SRPRA: variants seen among roughly 807,000 people sequenced by gnomAD.
SRPRA encodes signal recognition particle receptor subunit alpha.
SRPRA carries 30 observed loss-of-function variants against 61.1 expected under a neutral mutation model. The ratio of observed to expected loss-of-function variants is 0.49; its 90% CI spans 0.37 to 0.67. The LOEUF is 0.67. Among genes scored for constraint, SRPRA ranks in the 30% least tolerant of loss-of-function variants. The pLI is 0.00. For missense variants in SRPRA, 759 were observed against 828.4 expected (o/e 0.92, Z 1.03); for synonymous variants, 324 against 299.7 (o/e 1.08, Z -0.84).
At chr11:126,250,057 C>T in the SRPRA span, among the ~76,000 whole-genome samples, 4 of 151,392 alleles carry the variant, frequency 2.6e-5, no homozygotes, top group African/African-American at 7.3e-5. The surrounding 1 kb of genome is among the most constrained non-coding windows in gnomAD (Gnocchi z 5.1). Flanking sequence ...TTCCTTATTA[C>T]GTTCGTATGA....
chr11:126,266,493 A>T lies in SRPRA; in HGVS notation c.823T>A (p.Ser275Thr). ...TTNGTPEAAL[S>T]EDINLIRGTG... ...CCTCTTACCAGGTTGATGTCCTCAG[A>T]CAAGGCAGCCTCAGGGGTTCCATTG... The change falls in exon 6 of 14, where the codon TCT becomes ACT. Residue 275 changes from serine to threonine, a missense_variant. This residue lies in a region of SRPRA where 475 missense variants were observed against 462.5 expected (regional missense o/e 1.03). Coordinates refer to ENST00000332118, the MANE Select transcript of SRPRA (RefSeq NM_003139.4). 2 of 1,614,030 alleles carry T rather than the reference A, an allele frequency of 1.2e-6. No individual in the cohort carries two copies. The highest frequency in any genetic ancestry group is 1.7e-6 in the Non-Finnish European group (2 of 1,179,914).
chr11:126,241,153 T>G, the SRPRA span: 1 of 1,169,068 alleles, frequency 8.6e-7, no homozygotes, highest in African/African-American at 1.5e-5. Context: ...ACAGGGATAT[T>G]CATTTACAGC....
At position 126,264,197 on chromosome 11, in the gene SRPRA, A is replaced by G; in HGVS notation, c.1782T>C (p.Asp594=). The change falls in exon 13 of 14, where the codon GAT becomes GAC. Residue 594 remains aspartate (D), a synonymous_variant. Transcript: ENST00000332118. The surrounding 1 kb of genome is among the most constrained non-coding windows in gnomAD (Gnocchi z 5.0). The part of the protein sequence containing the change: ...GIVLTKFDTI[D]DKVGAAISMT... ...CCTCCAGTCTCACGTTTACCTTGTC[A>G]TCAATGGTATCAAATTTGGTAAGAA... 1 of 1,614,066 alleles carries G rather than the reference A, an allele frequency of 6.2e-7. No homozygotes were observed. Among genetic ancestry groups the G allele is most frequent in the Non-Finnish European group, 8.5e-7 (1 of 1,179,984 alleles).
chr11:126,238,470 G>A, the SRPRA span, among the ~76,000 whole-genome samples: 159 of 152,276 alleles, frequency 1.0e-3, no homozygotes, highest in African/African-American at 3.5e-3. Flanking sequence ...AAGAGGAATC[G>A]TCCTCATTTC....
At chr11:126,260,579 G>A (rs1357774037), downstream of SRPRA, 1 of 152,008 alleles carries the variant, frequency 6.6e-6, no homozygotes, top group Non-Finnish European at 1.5e-5. Context: ...AAGTCATGTT[G>A]TGAAAATAAC....
At chr11:126,262,360 G>GGACCCAAATGCAGCTCCC (rs1233265358), downstream of SRPRA, 4 of 569,746 alleles carry the variant, frequency 7.0e-6, no homozygotes, top group African/African-American at 5.7e-5. Flanking sequence ...AGCGACAGCA[G>GGACCCAAATGCAGCTCCC]GACCCAAATG....
chr11:126,237,818 C>T, the SRPRA span, among the ~76,000 whole-genome samples: 2 of 137,648 alleles, frequency 1.5e-5, no homozygotes, highest in South Asian at 4.6e-4. Context: ...GATTGTGTCA[C>T]TGCACTCCAG....
chr11:126,259,395 TCCATTA>T (rs1208405417), downstream of SRPRA, among the ~76,000 whole-genome samples: 1 of 151,102 alleles, frequency 6.6e-6, no homozygotes, highest in East Asian at 1.9e-4. Context: ...ATTCTTATAA[TCCATTA>T]CCATACAAGC....
At chr11:126,240,258 T>C in the SRPRA span, among the ~76,000 whole-genome samples, 2 of 151,942 alleles carry the variant, frequency 1.3e-5, no homozygotes, top group Non-Finnish European at 2.9e-5. Flanking sequence ...CAGAATTCTA[T>C]TGGCCACTTT....
the SRPRA span, among the ~76,000 whole-genome samples, chr11:126,236,766 T>TC: frequency 2.6e-5 from 4 of 151,948 alleles, no homozygotes; most frequent in African/African-American, 4.8e-5. Flanking sequence ...TTTATTTTTT[T>TC]CCCCCCCATT....
the SRPRA span, among the ~76,000 whole-genome samples, chr11:126,249,750 A>AAAAAG: frequency 1.7e-5 from 2 of 117,988 alleles, no homozygotes; most frequent in African/African-American, 3.2e-5. Flanking sequence ...AAAAAAAAAA[A>AAAAAG]AAAAGAAAAA....
At chr11:126,254,356 G>A in the SRPRA span, 28 of 1,614,036 alleles carry the variant, frequency 1.7e-5, no homozygotes, top group Middle Eastern at 1.6e-4. Flanking sequence ...GCATATTCAC[G>A]GAGTCTACAC....
chr11:126,256,545 A>G, the SRPRA span: 2 of 1,609,518 alleles, frequency 1.2e-6, no homozygotes, highest in Admixed American at 1.7e-5. This position sits in a 1 kb window ranked among gnomAD's most constrained non-coding sequence, Gnocchi z 6.6. Flanking sequence ...CAATGTCAAT[A>G]TGTTGTATCT....
At chr11:126,238,972 C>CT in the SRPRA span, among the ~76,000 whole-genome samples, 23,211 of 129,796 alleles carry the variant, frequency 0.18, 2,350 homozygotes, top group Non-Finnish European at 0.24. Context: ...AAGTGGAAGT[C>CT]TTTTTTTTTT....
chr11:126,241,199 A>G, the SRPRA span: 82,290 of 712,310 alleles, frequency 0.12, 4,799 homozygotes, highest in South Asian at 0.14. Context: ...CTTCTGCGCA[A>G]TGTCTGTTTA....
rs769606862 is a variant in SRPRA at position 126,264,567 on chromosome 11, A to G, written c.1526-28T>C. ...AGAGAAAGAAAGTAGTCAACTCTGA[A>G]CACCTGGACTACCACTCATGCTCGT... On this transcript the variant is annotated intron_variant, in intron 11 of 13. Transcript: ENST00000332118. This position sits in a 1 kb window ranked among gnomAD's most constrained non-coding sequence, Gnocchi z 5.0. The G allele has an allele frequency of 1.8e-5, 29 of 1,610,086 alleles. No individual in the cohort carries two copies. In the South Asian group the frequency reaches 3.2e-4, roughly 18 times the overall value.
chr11:126,256,461 G>C, the SRPRA span: 2 of 996,038 alleles, frequency 2.0e-6, no homozygotes, highest in Non-Finnish European at 1.5e-6. The surrounding 1 kb of genome is among the most constrained non-coding windows in gnomAD (Gnocchi z 6.6). Context: ...CTTAAGTCTT[G>C]CTTAATTGGT....
chr11:126,241,368 C>T, the SRPRA span: 1 of 220,284 alleles, frequency 4.5e-6, no homozygotes, highest in Non-Finnish European at 8.8e-6. Context: ...GGCATCCATG[C>T]CTTGTATGGA....
chr11:126,242,610 C>T, the SRPRA span, among the ~76,000 whole-genome samples: 4 of 152,272 alleles, frequency 2.6e-5, no homozygotes, highest in East Asian at 1.9e-4. Context: ...GATACACAAA[C>T]GGCCAATAAG....
Sources: allele counts gnomAD v4.1 joint callset (sites outside exome capture counted in the v4.1 genomes callset), GRCh38; gene constraint gnomAD v4.1.1; regional missense constraint gnomAD v4.1.1; non-coding constraint Gnocchi (gnomAD v3.1); transcripts MANE v1.5; gene names NCBI Gene and HGNC (gene_info 2026-07-23, HGNC 2026-07-21).